TTC3: variants seen among roughly 807,000 people sequenced by gnomAD.
TTC3 encodes the protein E3 ubiquitin-protein ligase TTC3.
In TTC3, 180 loss-of-function variants were observed where a neutral mutation model predicts 249.6. The observed-to-expected ratio is 0.72, with a 90% confidence interval of 0.64 to 0.82. The LOEUF (loss-of-function observed/expected upper bound fraction) is 0.82, where lower values mean the gene tolerates loss of function less well. Among genes scored for constraint, TTC3 ranks in the 40% least tolerant of loss-of-function variants. TTC3 has a pLI of 0.00. For synonymous variants in TTC3, 717 were observed against 805.0 expected (o/e 0.89, Z 1.85); for missense variants, 2,061 against 2,398.4 (o/e 0.86, Z 2.94).
At chr21:37,152,382 T>G (rs936182266) in intron 26 of TTC3, among the ~76,000 whole-genome samples, 14 of 150,940 alleles carry the variant, frequency 9.3e-5, no homozygotes, top group African/African-American at 2.9e-4. Context: ...CTAAGTTGTT[T>G]TTTTTTTTTG....
chr21:37,162,124 G>C lies in TTC3; in HGVS notation c.3170+61G>C, dbSNP rs980109854. 30 of 1,083,942 alleles carry C rather than the reference G, an allele frequency of 2.8e-5. No individual in the cohort carries two copies. In the African/African-American group the frequency reaches 3.7e-4, roughly 13 times the overall value. 67.1% of individuals were successfully genotyped at this position (1,083,942 alleles called of 1,614,324 possible). On this transcript the variant is annotated intron_variant, in intron 31 of 45. Transcript: ENST00000355666. ...CTCAAATGTCTTTACTTAATAAGTT[G>C]TGTTAATTTAATATATATAAACTTG...
intron 42 of TTC3, among the ~76,000 whole-genome samples, 165 bp downstream of exon 42, chr21:37,196,201 T>G (rs1163612293): frequency 1.3e-5 from 2 of 151,844 alleles, no homozygotes; most frequent in Non-Finnish European, 2.9e-5. Flanking sequence ...AATATAGAGA[T>G]AAGTATTTTC....
Position 37,167,472 on chromosome 21 carries a change from G to C in TTC3, c.4402-83G>C, listed in dbSNP as rs956603731. 36 of 1,035,654 alleles carry C rather than the reference G, an allele frequency of 3.5e-5. 1 individual carries two copies. In the South Asian group the frequency reaches 4.8e-4, roughly 14 times the overall value. The allele number at this position is 1,035,654 out of a possible 1,614,324, so 64.2% of individuals were successfully genotyped here. A position where few individuals can be genotyped will look rare whatever the true frequency, so the allele number is the denominator to read the frequency against. On this transcript the variant is annotated intron_variant, in intron 33 of 45. Transcript: ENST00000355666. ...AAAAACTTGAAAAAATTGTGGGTGTGTTTTAAAGTGTTACTACTTGATGGG... is the reference window on the plus strand; with the variant it reads ...AAAAACTTGAAAAAATTGTGGGTGTCTTTTAAAGTGTTACTACTTGATGGG...
At chr21:37,097,607 T>C (rs2074068114) in intron 10 of TTC3, among the ~76,000 whole-genome samples, 1 of 152,152 alleles carries the variant, frequency 6.6e-6, no homozygotes, top group African/African-American at 2.4e-5. Flanking sequence ...AGGACACCAA[T>C]TGGTCAGGTG....
At chr21:37,174,418 A>G (rs1293419434) in intron 35 of TTC3, among the ~76,000 whole-genome samples, 1 of 152,238 alleles carries the variant, frequency 6.6e-6, no homozygotes, top group Non-Finnish European at 1.5e-5. Context: ...GTTGGTGTCC[A>G]CATAAGAGTA....
At chr21:37,166,256 A>G (rs760820044) in exon 33 of TTC3, 1 of 1,614,210 alleles carries the variant, frequency 6.2e-7, no homozygotes, top group African/African-American at 1.3e-5. Flanking sequence ...GTACACCAGC[A>G]TATATACACC....
At chr21:37,108,011 G>A (rs2075252194) in intron 10 of TTC3, 1 of 157,418 alleles carries the variant, frequency 6.4e-6, no homozygotes, top group Non-Finnish European at 1.4e-5. Flanking sequence ...CTTGAACCCG[G>A]GAGGCAAAGG....
At chr21:37,144,907 G>A (rs2078855170) in intron 21 of TTC3, among the ~76,000 whole-genome samples, 1 of 152,188 alleles carries the variant, frequency 6.6e-6, no homozygotes, top group Non-Finnish European at 1.5e-5. Flanking sequence ...TTACAGATGA[G>A]GAAGGTTAAG....
At position 37,108,414 on chromosome 21, in the gene TTC3, A is replaced by T. The variant is rs1302586289; in HGVS notation, c.868A>T (p.Arg290Ter). 2 of 1,611,888 alleles carry T rather than the reference A, an allele frequency of 1.2e-6. No individual in the cohort carries two copies. Among genetic ancestry groups the T allele is most frequent in the South Asian group, 2.2e-5 (2 of 90,240 alleles). Reference sequence around the variant, plus strand: ...TAGAAATGCACTCGGTGATGGAAAGAGAGCCACTATTCTGAAGAACACTTG... The same window carrying T: ...TAGAAATGCACTCGGTGATGGAAAGTGAGCCACTATTCTGAAGAACACTTG... The change falls in exon 11 of 46, where the codon AGA (arginine) becomes TGA (stop). Residue 290 changes from arginine (R) to a stop codon, truncating the protein, a stop_gained. Transcript: ENST00000355666. LOFTEE classifies it high-confidence loss of function.
intron 34 of TTC3, among the ~76,000 whole-genome samples, chr21:37,169,921 T>G (rs1981433): frequency 0.53 from 80,809 of 151,496 alleles, 22,131 homozygotes; most frequent in African/African-American, 0.64. Context: ...ATTAAATACA[T>G]AGGAGAAATG....
intron 11 of TTC3, among the ~76,000 whole-genome samples, chr21:37,119,956 A>G (rs1290780241): frequency 6.6e-6 from 1 of 152,176 alleles, no homozygotes; most frequent in Non-Finnish European, 1.5e-5. Flanking sequence ...TGTACAGTAG[A>G]CCTTAGGGAT....
chr21:37,187,290 C>T (rs970424747), intron 38 of TTC3, 145 bp downstream of exon 38: 56 of 610,650 alleles, frequency 9.2e-5, no homozygotes, highest in African/African-American at 8.3e-4. Flanking sequence ...CTCCCTAAAA[C>T]GACCACTCTT....
intron 1 of TTC3, chr21:37,073,463 G>T: frequency 1.0e-6 from 1 of 986,222 alleles, no homozygotes; most frequent in Non-Finnish European, 1.2e-6. Context: ...CACCCCCTCC[G>T]TGGGTGTGTG....
chr21:37,128,379 A>C (rs1227908180), intron 15 of TTC3, among the ~76,000 whole-genome samples: 1 of 152,112 alleles, frequency 6.6e-6, no homozygotes, highest in African/African-American at 2.4e-5. Context: ...GTAAACACTC[A>C]CCTCAGCCTG....
intron 23 of TTC3, among the ~76,000 whole-genome samples, chr21:37,149,121 A>T (rs1006460477): frequency 6.6e-6 from 1 of 152,130 alleles, no homozygotes; most frequent in Admixed American, 6.6e-5. Flanking sequence ...TTAAACTGCC[A>T]TTTCTCTCCA....
rs116539604 is a variant in TTC3, at chr21:37,073,397, C to T, written c.-12+33C>T. ...CACACCCGGCGCGCTGCCGGGCTCC[C>T]GGATGTGTCACCTTGTCCCGCTGCA... On this transcript the variant is annotated intron_variant, in intron 1 of 45. Transcript: ENST00000355666. The T allele has an allele frequency of 6.4e-5, 63 of 986,678 alleles. No individual in the cohort carries two copies. The African/African-American group carries it at 1.0e-3, about 16-fold the overall frequency. The allele number at this position is 986,678 out of a possible 1,614,324, so 61.1% of individuals were successfully genotyped here.
exon 33 of TTC3, chr21:37,165,959 T>C (rs1232795618): frequency 1.2e-6 from 2 of 1,614,174 alleles, no homozygotes; most frequent in South Asian, 2.2e-5. Context: ...CAAGCCAGCT[T>C]GTGAAGATGT....
At position 37,182,840 on chromosome 21, in the gene TTC3, GAAAA is replaced by G. The variant is rs778730652; in HGVS notation, c.4689_4692del (p.Glu1565SerfsTer5). 6.3e-7 allele frequency: 1 copy of G among 1,588,046 alleles called. No individual in the cohort carries two copies. Among genetic ancestry groups the G allele is most frequent in the African/African-American group, 1.4e-5 (1 of 72,906 alleles). On this transcript the variant is annotated frameshift_variant, in exon 36 of 46. Transcript: ENST00000355666. LOFTEE classifies it high-confidence loss of function. The stretch of plus-strand genomic sequence containing the variant: ...AAGAGAAATTAAAAAATGGCAACAG[GAAAA>G]AAAAGAAATCCAAGAAAGACTAAAA...
intron 41 of TTC3, chr21:37,193,852 T>TG (rs1473690953): frequency 6.6e-6 from 1 of 152,180 alleles, no homozygotes; most frequent in Non-Finnish European, 1.5e-5. Flanking sequence ...TGGAGCGGCG[T>TG]GGATCAGGGG....
Sources: gnomAD v4.1 joint callset for allele counts (sites outside exome capture counted in the v4.1 genomes callset) on GRCh38, gnomAD v4.1.1 for gene constraint, MANE v1.5 for transcripts, NCBI Gene and HGNC (gene_info 2026-07-23, HGNC 2026-07-21) for gene names.